SLC60A1: variants seen among roughly 807,000 people sequenced by gnomAD.
SLC60A1 encodes major facilitator superfamily domain containing 4.
the SLC60A1 span, among the ~76,000 whole-genome samples, chr1:205,574,131 T>C: frequency 8.5e-5 from 13 of 152,096 alleles, no homozygotes; most frequent in Non-Finnish European, 1.3e-4. Context: ...ATGTAATTTA[T>C]ATATCAATTT....
the SLC60A1 span, among the ~76,000 whole-genome samples, chr1:205,597,154 C>T: frequency 4.6e-5 from 7 of 152,158 alleles, no homozygotes; most frequent in African/African-American, 1.7e-4. Context: ...AGGTAGGTAG[C>T]AGTCAGAATG....
chr1:205,596,667 C>T, the SLC60A1 span, among the ~76,000 whole-genome samples: 7 of 145,710 alleles, frequency 4.8e-5, no homozygotes, highest in African/African-American at 7.6e-5. Context: ...GTGAGAGTTA[C>T]GGAGGGTGGA....
the SLC60A1 span, among the ~76,000 whole-genome samples, chr1:205,591,323 A>C: frequency 6.6e-6 from 1 of 151,844 alleles, no homozygotes; most frequent in Non-Finnish European, 1.5e-5. Context: ...CTCGACTAAA[A>C]ATACAGAAAA....
chr1:205,590,227 C>T, the SLC60A1 span, among the ~76,000 whole-genome samples: 8 of 152,082 alleles, frequency 5.3e-5, no homozygotes, highest in Admixed American at 3.9e-4. Flanking sequence ...CAGGGCACTG[C>T]GGACATGGAA....
At chr1:205,580,642 A>ACC in the SLC60A1 span, 1 of 838,842 alleles carries the variant, frequency 1.2e-6, no homozygotes, top group South Asian at 1.9e-5. The surrounding 1 kb of genome is among the most constrained non-coding windows in gnomAD (Gnocchi z 5.0). Context: ...CCCACCCGCC[A>ACC]CCTCTCCTCT....
At chr1:205,596,353 G>A in the SLC60A1 span, among the ~76,000 whole-genome samples, 2 of 151,864 alleles carry the variant, frequency 1.3e-5, no homozygotes, top group Admixed American at 1.3e-4. Context: ...GACCAGAGAG[G>A]AACATTACTG....
chr1:205,597,658 A>C, the SLC60A1 span: 1 of 937,266 alleles, frequency 1.1e-6, no homozygotes, highest in East Asian at 2.5e-5. Context: ...TGACTCCTAA[A>C]GTACTGGGAT....
chr1:205,586,337 A>T, the SLC60A1 span: 3 of 1,098,548 alleles, frequency 2.7e-6, no homozygotes, highest in Non-Finnish European at 3.9e-6. Context: ...AGTAGAGGGA[A>T]GAGAGGAGAG....
At chr1:205,573,746 C>A in the SLC60A1 span, among the ~76,000 whole-genome samples, 54,781 of 151,806 alleles carry the variant, frequency 0.36, 11,321 homozygotes, top group East Asian at 0.94. Context: ...GCCCAAGCTG[C>A]AGTGAGGTGG....
chr1:205,593,649 C>T, the SLC60A1 span, among the ~76,000 whole-genome samples: 3 of 152,120 alleles, frequency 2.0e-5, no homozygotes, highest in East Asian at 1.9e-4. Flanking sequence ...ATCTTTTCTA[C>T]GATAAACCTG....
chr1:205,588,932 G>A, the SLC60A1 span, among the ~76,000 whole-genome samples: 1 of 152,190 alleles, frequency 6.6e-6, no homozygotes, highest in African/African-American at 2.4e-5. Flanking sequence ...GGGGATGCAG[G>A]CTCAGTACCA....
chr1:205,586,057 C>T, the SLC60A1 span: 5 of 1,608,660 alleles, frequency 3.1e-6, no homozygotes, highest in African/African-American at 1.3e-5. Context: ...CCTTCGTGTA[C>T]AGCTATGCTG....
At chr1:205,569,638 TAG>T in the SLC60A1 span, among the ~76,000 whole-genome samples, 5 of 152,198 alleles carry the variant, frequency 3.3e-5, no homozygotes, top group African/African-American at 1.2e-4. Context: ...AGAGGAGTGA[TAG>T]AGTTTGCAGA....
the SLC60A1 span, chr1:205,580,810 G>A: frequency 1.2e-6 from 2 of 1,614,140 alleles, no homozygotes; most frequent in East Asian, 4.5e-5. This position sits in a 1 kb window ranked among gnomAD's most constrained non-coding sequence, Gnocchi z 5.0. Context: ...TGCTGGGCCA[G>A]CACCACGTAG....
At chr1:205,586,679 G>T in the SLC60A1 span, among the ~76,000 whole-genome samples, 24,873 of 151,314 alleles carry the variant, frequency 0.16, 2,161 homozygotes, top group Admixed American at 0.22. Flanking sequence ...ATTTGCATTT[G>T]GTAGCTCTCC....
At chr1:205,598,841 A>C in the SLC60A1 span, 1 of 435,240 alleles carries the variant, frequency 2.3e-6, no homozygotes, top group Non-Finnish European at 4.1e-6. Context: ...GTATGACTGG[A>C]GCTTCAGTGA....
chr1:205,579,174 G>C, the SLC60A1 span, among the ~76,000 whole-genome samples: 1 of 152,204 alleles, frequency 6.6e-6, no homozygotes, highest in African/African-American at 2.4e-5. Flanking sequence ...CTGCTACAGG[G>C]GTCATCAAAT....
At chr1:205,573,127 T>C in the SLC60A1 span, among the ~76,000 whole-genome samples, 38 of 152,102 alleles carry the variant, frequency 2.5e-4, no homozygotes, top group African/African-American at 8.9e-4. Flanking sequence ...ATGTGGTATA[T>C]TGGCCGGGCA....
the SLC60A1 span, among the ~76,000 whole-genome samples, chr1:205,586,816 C>A: frequency 4.2e-4 from 64 of 152,202 alleles, no homozygotes; most frequent in African/African-American, 1.5e-3. Flanking sequence ...CCTGCCTCAG[C>A]CTCCCAAGTA....
Sources: allele counts gnomAD v4.1 joint callset (sites outside exome capture counted in the v4.1 genomes callset), GRCh38; gene constraint gnomAD v4.1.1; non-coding constraint Gnocchi (gnomAD v3.1); transcripts MANE v1.5; gene names NCBI Gene and HGNC (gene_info 2026-07-23, HGNC 2026-07-21).